TNNT1: variants seen among roughly 807,000 people sequenced by gnomAD.
TNNT1 encodes the protein troponin T1, slow skeletal type, also known as troponin T, slow skeletal muscle.
A neutral mutation model predicts 50.6 loss-of-function variants in TNNT1; 53 were observed. That is an observed-to-expected ratio of 1.05 (90% CI 0.84 to 1.32). TNNT1 has a LOEUF of 1.32. Ranked by LOEUF, TNNT1 falls within the 40% of genes most tolerant of loss-of-function variation. The pLI, the probability that TNNT1 is intolerant of heterozygous loss-of-function variation, is 0.00. For synonymous variants in TNNT1, 142 were observed against 138.0 expected (o/e 1.03, Z -0.20); for missense variants, 348 against 381.7 (o/e 0.91, Z 0.74).
chr19:55,141,140 C>T (rs1389797232), intron 8 of TNNT1, 46 bp downstream of exon 8: 18 of 1,548,384 alleles, frequency 1.2e-5, no homozygotes, highest in Non-Finnish European at 1.5e-5. Flanking sequence ...GCAAGGGATC[C>T]ACATGGAGGG....
chr19:55,145,119 C>T (rs1447899724), intron 6 of TNNT1, among the ~76,000 whole-genome samples: 1 of 139,356 alleles, frequency 7.2e-6, no homozygotes, highest in African/African-American at 2.7e-5. Flanking sequence ...CATAGCAAGA[C>T]CTCATCTCTA....
At chr19:55,135,701 A>AT (rs2085335484) in intron 11 of TNNT1, among the ~76,000 whole-genome samples, 7 of 151,528 alleles carry the variant, frequency 4.6e-5, no homozygotes, top group Admixed American at 2.0e-4. Flanking sequence ...TAATTTTTGT[A>AT]TTTTTAGTAG....
intron 9 of TNNT1, chr19:55,140,677 TG>T: frequency 4.1e-6 from 1 of 241,862 alleles, no homozygotes; most frequent in Non-Finnish European, 7.8e-6. Context: ...CTGGGGAGGC[TG>T]AGGCAGAAGA....
chr19:55,134,715 G>A (rs1599871426), intron 11 of TNNT1, among the ~76,000 whole-genome samples: 1 of 26,554 alleles, frequency 3.8e-5, no homozygotes, highest in African/African-American at 1.6e-4. Context: ...GAGAGGAGAA[G>A]AGGGGAGGGG....
intron 5 of TNNT1, 23 bp from the exon 6 acceptor site, chr19:55,145,588 A>G (rs761189149): frequency 9.9e-6 from 16 of 1,613,418 alleles, no homozygotes; most frequent in South Asian, 2.2e-5. Context: ...GGGGATAAAA[A>G]GAGATAATTA....
intron 4 of TNNT1, 39 bp downstream of exon 4, chr19:55,146,642 C>A (rs766974052): frequency 3.7e-6 from 5 of 1,369,354 alleles, no homozygotes; most frequent in African/African-American, 2.9e-5. Flanking sequence ...CCCGCCCCCC[C>A]ACCCCCCAGC....
At chr19:55,148,883 G>T (rs1412353364) in intron 1 of TNNT1, among the ~76,000 whole-genome samples, 1 of 151,908 alleles carries the variant, frequency 6.6e-6, no homozygotes, top group Non-Finnish European at 1.5e-5. Flanking sequence ...ATTTCCCCCA[G>T]ATTCCCAGAA....
chr19:55,146,664 G>A lies in TNNT1; in HGVS notation c.73+17C>T. On this transcript the variant is annotated intron_variant, in intron 4 of 13. Coordinates refer to ENST00000588981, the MANE Select transcript of TNNT1 (RefSeq NM_003283.6). ...CCCCACCCCCCAGCTCCAGACCTGC[G>A]GAGTCCGGGACCTCACCTTCCTCCT... 6.9e-7 allele frequency: 1 copy of A among 1,447,134 alleles called. No homozygotes were observed. The highest frequency in any genetic ancestry group is 1.4e-5 in the South Asian group (1 of 72,732). The allele number at this position is 1,447,134 out of a possible 1,614,324, so 89.6% of individuals were successfully genotyped here.
intron 6 of TNNT1, among the ~76,000 whole-genome samples, chr19:55,142,872 G>C (rs1310649153): frequency 6.6e-6 from 1 of 151,150 alleles, no homozygotes; most frequent in Non-Finnish European, 1.5e-5. Flanking sequence ...TGTAGAGATG[G>C]CGTTTCACAG....
intron 1 of TNNT1, 99 bp downstream of exon 1, chr19:55,149,062 C>A: frequency 2.2e-6 from 1 of 446,036 alleles, no homozygotes; most frequent in Non-Finnish European, 4.5e-6. Context: ...CCTACCTCTG[C>A]ACCATTTCTC....
At chr19:55,136,176 G>T (rs1320331015) in intron 11 of TNNT1, among the ~76,000 whole-genome samples, 6 of 152,148 alleles carry the variant, frequency 3.9e-5, no homozygotes. Context: ...TGTGCCTCAG[G>T]TTCCTCACTA....
At chr19:55,148,897 C>T (rs572684512) in intron 1 of TNNT1, among the ~76,000 whole-genome samples, 2 of 152,126 alleles carry the variant, frequency 1.3e-5, no homozygotes, top group East Asian at 3.9e-4. Context: ...CCCAGAACCC[C>T]AAGATCCTAG....
intron 9 of TNNT1, 54 bp from the exon 10 acceptor site, chr19:55,138,128 A>G: frequency 1.2e-6 from 2 of 1,613,044 alleles, no homozygotes; most frequent in East Asian, 2.2e-5. Context: ...CTGAGGGAGG[A>G]GGGCCCTGGG....
At chr19:55,146,599 C>A in intron 4 of TNNT1, 82 bp downstream of exon 4, 1 of 1,201,998 alleles carries the variant, frequency 8.3e-7, no homozygotes, top group Non-Finnish European at 1.1e-6. Context: ...CGTCGGGAGC[C>A]CCATCCCGCC....
At chr19:55,134,324 G>A in intron 11 of TNNT1, 120 bp from the exon 12 acceptor site, 1 of 1,051,724 alleles carries the variant, frequency 9.5e-7, no homozygotes, top group South Asian at 1.5e-5. Context: ...TTGAGGCCGA[G>A]AGTTTTAAAA....
chr19:55,140,780 GAAT>G (rs2085434704), intron 9 of TNNT1, 100 bp downstream of exon 9: 21 of 838,102 alleles, frequency 2.5e-5, no homozygotes, highest in East Asian at 7.8e-5. Context: ...CCGTTTCAAA[GAAT>G]AATAATAATA....
At chr19:55,146,780 G>A (rs1219444047) in intron 3 of TNNT1, 73 bp from the exon 4 acceptor site, 2 of 1,288,972 alleles carry the variant, frequency 1.6e-6, no homozygotes, top group Non-Finnish European at 2.1e-6. Context: ...AGAGACCAGG[G>A]TTCCAGTCTC....
chr19:55,146,910 C>G, intron 3 of TNNT1, 98 bp downstream of exon 3: 3 of 1,446,096 alleles, frequency 2.1e-6, no homozygotes, highest in Non-Finnish European at 2.8e-6. Context: ...GAGGGCTGAG[C>G]CGCCCCTTCC....
In TNNT1 at chr19:55,139,747, A is replaced by T. The variant is rs565869157; in HGVS notation, c.387+1136T>A. 1.5e-4 allele frequency among the ~76,000 whole-genome samples: 22 copies of T among 150,822 alleles called. No homozygotes were observed. The South Asian group carries it at 4.6e-3, about 32-fold the overall frequency. ...CTCGGGAGGCTGAGGCAGGAGGATC[A>T]CTTGAGCCCAGGAGTTTGGGAACAA... On this transcript the variant is annotated intron_variant, in intron 9 of 13. Transcript: ENST00000588981.
Sources: gnomAD v4.1 joint callset for allele counts (sites outside exome capture counted in the v4.1 genomes callset) on GRCh38, gnomAD v4.1.1 for gene constraint, MANE v1.5 for transcripts, NCBI Gene and HGNC (gene_info 2026-07-23, HGNC 2026-07-21) for gene names.